Variants in ZBTB20 observed in about 807,000 individuals in gnomAD.
ZBTB20 encodes zinc finger and BTB domain-containing protein 20.
Under a neutral mutation model 56.9 loss-of-function variants are expected in ZBTB20, and 9 were observed. The ratio of observed to expected loss-of-function variants is 0.16; its 90% CI spans 0.10 to 0.28. ZBTB20 has a LOEUF of 0.28. Among genes scored for constraint, ZBTB20 ranks in the 10% least tolerant of loss-of-function variants. The probability of loss-of-function intolerance (pLI) is 1.00; values close to 1 mark genes in which losing one functional copy is unlikely to be tolerated. For synonymous variants in ZBTB20, 417 were observed against 420.7 expected, an observed-to-expected ratio of 0.99 and a Z score of 0.11; for missense variants, 655 against 1,003.0, an observed-to-expected ratio of 0.65 and a Z score of 4.69.
chr3:115,002,461 G>A (rs573180775), intron 2 of ZBTB20, among the ~76,000 whole-genome samples: 4 of 151,462 alleles, frequency 2.6e-5, no homozygotes, highest in Admixed American at 6.6e-5. Context: ...TCTGATATTC[G>A]ACCGTCATCC....
At chr3:114,437,263 TGA>T (rs2090579117) in intron 7 of ZBTB20, among the ~76,000 whole-genome samples, 1 of 152,120 alleles carries the variant, frequency 6.6e-6, no homozygotes, top group Admixed American at 6.5e-5. Context: ...AAAAATCCCT[TGA>T]GAGATGTCAT....
At chr3:114,391,346 C>T (rs1328214675) in intron 7 of ZBTB20, among the ~76,000 whole-genome samples, 1 of 152,188 alleles carries the variant, frequency 6.6e-6, no homozygotes, top group Non-Finnish European at 1.5e-5. Flanking sequence ...CTCTACACTC[C>T]ATTCTACGCT....
rs1442188357 is a variant in ZBTB20, at chr3:114,335,341, A to C, written c.*3664T>G. The C allele has an allele frequency of 2.0e-5, 3 of 152,216 alleles. No individual in the cohort carries two copies. Among genetic ancestry groups the C allele is most frequent in the Non-Finnish European group, 4.4e-5 (3 of 68,028 alleles). The allele number at this position is 152,216 out of a possible 1,614,324, so 9.4% of individuals were successfully genotyped here. On this transcript the variant is annotated 3_prime_UTR_variant, in exon 12 of 12. Coordinates refer to ENST00000675478, the MANE Select transcript of ZBTB20 (RefSeq NM_001348800.3). ...CACCCTACCATGAAGGTCTAAATGTAAGATGACTGTAGGACTTGAAACAAA... is the reference window on the plus strand; with the variant it reads ...CACCCTACCATGAAGGTCTAAATGTCAGATGACTGTAGGACTTGAAACAAA...
At chr3:115,046,012 T>C (rs2081321091) in intron 2 of ZBTB20, among the ~76,000 whole-genome samples, 1 of 152,150 alleles carries the variant, frequency 6.6e-6, no homozygotes, top group Non-Finnish European at 1.5e-5. Context: ...GAGCCATAGA[T>C]CAGGTGAAAT....
chr3:114,551,033 A>T (rs764984250), intron 6 of ZBTB20, among the ~76,000 whole-genome samples: 2 of 152,174 alleles, frequency 1.3e-5, no homozygotes, highest in Non-Finnish European at 2.9e-5. Flanking sequence ...TTATACACAT[A>T]AGCCACCACA....
At chr3:114,475,431 T>C (rs1050919517) in intron 7 of ZBTB20, among the ~76,000 whole-genome samples, 3 of 152,204 alleles carry the variant, frequency 2.0e-5, no homozygotes, top group African/African-American at 7.2e-5. Context: ...ACATGTCTTA[T>C]CTGTGTATCC....
At chr3:115,013,408 A>C (rs1400039929) in intron 2 of ZBTB20, among the ~76,000 whole-genome samples, 1 of 151,698 alleles carries the variant, frequency 6.6e-6, no homozygotes, top group Non-Finnish European at 1.5e-5. Flanking sequence ...AAATAGCTAT[A>C]TAGAAAGAAA....
intron 6 of ZBTB20, among the ~76,000 whole-genome samples, chr3:114,691,114 T>G (rs2062674407): frequency 6.6e-6 from 1 of 152,162 alleles, no homozygotes; most frequent in Non-Finnish European, 1.5e-5. Context: ...CAGATGTGTC[T>G]AAGAATATTA....
chr3:114,714,419 A>G (rs2064312684), intron 5 of ZBTB20, among the ~76,000 whole-genome samples: 2 of 152,184 alleles, frequency 1.3e-5, no homozygotes, highest in Non-Finnish European at 1.5e-5. Flanking sequence ...GCTGAAGCCC[A>G]GGTTACACTA....
Position 114,567,391 on chromosome 3 carries a change from T to TA in ZBTB20, c.-294-67001dup, listed in dbSNP as rs1271107713. On this transcript the variant is annotated intron_variant, in intron 6 of 11. Coordinates refer to ENST00000675478, the MANE Select transcript of ZBTB20 (RefSeq NM_001348800.3). ...AATGCCGTTTCCTACTATAGCATGT[T>TA]AAAATCCAAATTCTGTTATGTTATT... 3.3e-5 allele frequency among the ~76,000 whole-genome samples: 5 copies of TA among 152,344 alleles called. No homozygotes were observed. The East Asian group carries it at 9.6e-4, about 29-fold the overall frequency.
intron 10 of ZBTB20, among the ~76,000 whole-genome samples, chr3:114,357,711 T>G (rs1222967152): frequency 6.6e-6 from 1 of 152,198 alleles, no homozygotes; most frequent in Non-Finnish European, 1.5e-5. Context: ...CATCCCTCTT[T>G]AAAATACTTG....
At chr3:115,087,953 A>C (rs2083048951) in intron 1 of ZBTB20, among the ~76,000 whole-genome samples, 1 of 151,952 alleles carries the variant, frequency 6.6e-6, no homozygotes, top group South Asian at 2.1e-4. Flanking sequence ...AGTTGTGTTA[A>C]AGTGCTTATT....
At position 114,545,173 on chromosome 3, in the gene ZBTB20, A is replaced by G. The variant is rs373809203; in HGVS notation, c.-294-44782T>C. On this transcript the variant is annotated intron_variant, in intron 6 of 11. Coordinates refer to ENST00000675478, the MANE Select transcript of ZBTB20 (RefSeq NM_001348800.3). ...GTAGTCTAGTCAAAAAGGAATATGA[A>G]CTCTTTTATCTCTGAATGCTTCCAA... is the stretch of plus-strand genomic sequence containing the variant. Among the ~76,000 whole-genome samples, 13 of 152,076 alleles carry G rather than the reference A, an allele frequency of 8.5e-5. No individual in the cohort carries two copies. The East Asian group carries it at 1.4e-3, about 16-fold the overall frequency.
chr3:115,131,786 T>C (rs193086344), intron 1 of ZBTB20, among the ~76,000 whole-genome samples: 19 of 152,308 alleles, frequency 1.2e-4, no homozygotes, highest in Admixed American at 6.5e-4. Context: ...AATGGGAATA[T>C]ACTTTCATTT....
chr3:114,588,459 A>G (rs770425269), intron 6 of ZBTB20, among the ~76,000 whole-genome samples: 1 of 152,198 alleles, frequency 6.6e-6, no homozygotes, highest in African/African-American at 2.4e-5. Context: ...AAACTCAGTG[A>G]GATCTGCATT....
At chr3:114,360,509 ATT>A (rs567314378) in intron 10 of ZBTB20, among the ~76,000 whole-genome samples, 8 of 140,606 alleles carry the variant, frequency 5.7e-5, no homozygotes, top group African/African-American at 1.0e-4. Flanking sequence ...AACTCGGCTA[ATT>A]TTTTTTTTTT....
At chr3:114,592,043 T>G (rs948710845) in intron 6 of ZBTB20, among the ~76,000 whole-genome samples, 3 of 152,122 alleles carry the variant, frequency 2.0e-5, no homozygotes, top group African/African-American at 4.8e-5. Context: ...TAGAATACAC[T>G]GAATTTGCCA....
intron 6 of ZBTB20, chr3:114,658,784 A>G (rs1175494816): frequency 6.6e-6 from 1 of 152,214 alleles, no homozygotes; most frequent in Non-Finnish European, 1.5e-5. Flanking sequence ...CTCAGTTTCA[A>G]ATTCATTTCT....
At chr3:114,587,488 C>T (rs2055302488) in intron 6 of ZBTB20, among the ~76,000 whole-genome samples, 1 of 152,104 alleles carries the variant, frequency 6.6e-6, no homozygotes. Context: ...GATAATAGTA[C>T]TCATTGAATA....
Sources: gnomAD v4.1 joint callset for allele counts (sites outside exome capture counted in the v4.1 genomes callset) on GRCh38, gnomAD v4.1.1 for gene constraint, MANE v1.5 for transcripts, NCBI Gene and HGNC (gene_info 2026-07-23, HGNC 2026-07-21) for gene names.